Variants in PRKCE observed in about 807,000 individuals in gnomAD.
The protein encoded by PRKCE is protein kinase C epsilon type.
A neutral mutation model predicts 85.4 loss-of-function variants in PRKCE; 16 were observed. The observed-to-expected ratio is 0.19, with a 90% CI of 0.13 to 0.28. The LOEUF is 0.28. PRKCE is among the 10% of genes least tolerant of loss of function. PRKCE has a pLI of 1.00. For synonymous variants in PRKCE, 388 were observed against 371.5 expected (o/e 1.04, Z -0.51); for missense variants, 573 against 975.2 (o/e 0.59, Z 5.49).
chr2:46,168,440 A>G (rs933662241), intron 14 of PRKCE, among the ~76,000 whole-genome samples: 3 of 152,226 alleles, frequency 2.0e-5, no homozygotes, highest in South Asian at 2.1e-4. Flanking sequence ...GGGAGGGATC[A>G]GGAAGAAAGA....
intron 2 of PRKCE, among the ~76,000 whole-genome samples, chr2:45,899,119 T>C (rs1267639596): frequency 1.1e-4 from 16 of 152,214 alleles, no homozygotes; most frequent in Admixed American, 1.0e-3. Context: ...TGCAGCCGTT[T>C]TGAGTGAAAG....
intron 2 of PRKCE, among the ~76,000 whole-genome samples, chr2:45,935,269 T>A (rs1699360755): frequency 6.6e-6 from 1 of 152,210 alleles, no homozygotes; most frequent in Admixed American, 6.5e-5. Context: ...CATCTTTTCT[T>A]TGCATGATTC....
At chr2:45,780,234 A>G (rs895322973) in intron 1 of PRKCE, among the ~76,000 whole-genome samples, 6 of 152,196 alleles carry the variant, frequency 3.9e-5, no homozygotes, top group Non-Finnish European at 8.8e-5. Context: ...TATACGTTGC[A>G]TTTGAGTGCT....
At chr2:45,866,059 A>G (rs575604195) in intron 2 of PRKCE, among the ~76,000 whole-genome samples, 1 of 151,668 alleles carries the variant, frequency 6.6e-6, no homozygotes, top group African/African-American at 2.4e-5. Flanking sequence ...GGGTTGAGAG[A>G]CCCTCTCTCC....
chr2:45,993,543 A>T (rs1703979878), intron 6 of PRKCE, among the ~76,000 whole-genome samples: 1 of 152,252 alleles, frequency 6.6e-6, no homozygotes, highest in Non-Finnish European at 1.5e-5. Flanking sequence ...CCGACCTGCC[A>T]GCCCAAGTTG....
At chr2:45,963,771 A>G (rs547786551) in intron 2 of PRKCE, among the ~76,000 whole-genome samples, 1 of 152,314 alleles carries the variant, frequency 6.6e-6, no homozygotes, top group South Asian at 2.1e-4. Flanking sequence ...CCCTGCCGGG[A>G]CTCCAGATCT....
intron 10 of PRKCE, among the ~76,000 whole-genome samples, chr2:46,083,529 CTG>C (rs1458379328): frequency 6.7e-6 from 1 of 148,688 alleles, no homozygotes; most frequent in African/African-American, 2.5e-5. Context: ...GGGCTGGTGA[CTG>C]TGGAATGGGC....
At chr2:45,668,139 G>A (rs914839158) in intron 1 of PRKCE, among the ~76,000 whole-genome samples, 1 of 152,268 alleles carries the variant, frequency 6.6e-6, no homozygotes, top group South Asian at 2.1e-4. Flanking sequence ...TCAGGAGTTC[G>A]AGACCAGCCT....
chr2:46,119,782 G>A (rs1234734337), intron 11 of PRKCE, among the ~76,000 whole-genome samples: 1 of 152,182 alleles, frequency 6.6e-6, no homozygotes. Context: ...AGCTTGTGAG[G>A]AACACTCCAC....
chr2:46,065,401 C>A (rs143602124), intron 10 of PRKCE, among the ~76,000 whole-genome samples: 247 of 152,236 alleles, frequency 1.6e-3, no homozygotes, highest in African/African-American at 5.7e-3. Context: ...AAGCAGACGT[C>A]ATTTCACGTA....
At chr2:45,788,528 T>A (rs1034931830) in intron 1 of PRKCE, among the ~76,000 whole-genome samples, 4 of 152,234 alleles carry the variant, frequency 2.6e-5, no homozygotes, top group Non-Finnish European at 1.5e-5. Context: ...TCAGGGGGCC[T>A]GCTTCTACAC....
At chr2:46,011,817 C>G (rs1305352283) in intron 10 of PRKCE, among the ~76,000 whole-genome samples, 1 of 152,172 alleles carries the variant, frequency 6.6e-6, no homozygotes, top group Non-Finnish European at 1.5e-5. Context: ...CCATTCCATA[C>G]TGAGGAACCC....
chr2:45,657,816 T>G (rs1426011891), intron 1 of PRKCE, among the ~76,000 whole-genome samples: 1 of 152,102 alleles, frequency 6.6e-6, no homozygotes, highest in Admixed American at 6.5e-5. Flanking sequence ...TTCGGAGAGG[T>G]TAGGCTCTGA....
intron 11 of PRKCE, among the ~76,000 whole-genome samples, chr2:46,129,969 A>C (rs1674260609): frequency 6.6e-6 from 1 of 152,254 alleles, no homozygotes; most frequent in Non-Finnish European, 1.5e-5. Flanking sequence ...CTGGCAATAA[A>C]AGCTGTTTGA....
In PRKCE at chr2:46,142,804, G is replaced by C. The variant is rs369801807; in HGVS notation, c.1593-2289G>C. Among the ~76,000 whole-genome samples, 9 of 152,376 alleles carry C rather than the reference G, an allele frequency of 5.9e-5. No individual in the cohort carries two copies. The East Asian group carries it at 1.3e-3, about 23-fold the overall frequency. On this transcript the variant is annotated intron_variant, in intron 11 of 14. Transcript: ENST00000306156. ...AATCCTGGGCAGAAGAAAAGGCGGA[G>C]CCTTGCAGCCTGAGTCAGAAAAGGG... is the stretch of plus-strand genomic sequence containing the variant.
chr2:45,817,105 G>GTGTGTT (rs1689121855), intron 1 of PRKCE, among the ~76,000 whole-genome samples: 1 of 148,734 alleles, frequency 6.7e-6, no homozygotes, highest in African/African-American at 2.5e-5. Context: ...GTGTGTGTGT[G>GTGTGTT]TGTGTTGTGG....
At chr2:46,046,186 G>A (rs1249282110) in intron 10 of PRKCE, among the ~76,000 whole-genome samples, 1 of 152,358 alleles carries the variant, frequency 6.6e-6, no homozygotes, top group East Asian at 1.9e-4. Flanking sequence ...AACCATAAGA[G>A]CAGACCTGTT....
At chr2:46,128,811 A>G (rs961226472) in intron 11 of PRKCE, among the ~76,000 whole-genome samples, 4 of 152,220 alleles carry the variant, frequency 2.6e-5, no homozygotes, top group Admixed American at 1.3e-4. Context: ...TGCACTGGAA[A>G]TGTTGGTGAT....
At chr2:45,795,130 A>G (rs536484628) in intron 1 of PRKCE, among the ~76,000 whole-genome samples, 3 of 152,220 alleles carry the variant, frequency 2.0e-5, no homozygotes, top group East Asian at 1.9e-4. Flanking sequence ...TGCAGCATCC[A>G]TGCTGATGAG....
Sources: gnomAD v4.1 joint callset for allele counts (sites outside exome capture counted in the v4.1 genomes callset) on GRCh38, gnomAD v4.1.1 for gene constraint, MANE v1.5 for transcripts, NCBI Gene and HGNC (gene_info 2026-07-23, HGNC 2026-07-21) for gene names.